The following UBAP2 variants were observed in gnomAD, a reference collection of about 807,000 sequenced individuals.
The protein encoded by UBAP2 is ubiquitin-associated protein 2.
A neutral mutation model predicts 139.6 loss-of-function variants in UBAP2; 75 were observed. The observed-to-expected ratio is 0.54, with a 90% CI of 0.45 to 0.65. The LOEUF (loss-of-function observed/expected upper bound fraction) is 0.65. Among genes scored for constraint, UBAP2 ranks in the 30% least tolerant of loss-of-function variants. UBAP2 has a pLI of 0.00. For missense variants in UBAP2, 1,368 were observed against 1,369.6 expected (o/e 1.00, Z 0.02); for synonymous variants, 526 against 526.2 (o/e 1.00, Z 0.01).
At chr9:33,929,911 G>A (rs62555934) in intron 19 of UBAP2, among the ~76,000 whole-genome samples, 191 of 152,288 alleles carry the variant, frequency 1.3e-3, no homozygotes, top group Non-Finnish European at 2.1e-3. Context: ...GGCTGAGGCA[G>A]GAGAACTGCT....
Position 33,922,182 on chromosome 9 carries a change from G to A in UBAP2, c.*322C>T. The A allele has an allele frequency of 2.9e-6, 1 of 350,728 alleles. No homozygotes were observed. The highest frequency in any genetic ancestry group is 5.4e-6 in the Non-Finnish European group (1 of 186,098). The allele number at this position is 350,728 out of a possible 1,614,324, so 21.7% of individuals were successfully genotyped here. ...TGCCCCTAGTGGCCCACTGGGCAGT[G>A]CAGGCTGTGAAGAAGACCTGAAGGC... On this transcript the variant is annotated 3_prime_UTR_variant, in exon 29 of 29. Transcript: ENST00000379238.
In UBAP2 at chr9:33,933,600, G is replaced by A; in HGVS notation, c.1998C>T (p.Ala666=). ...TGGGCAGGGAGCTCACAGACGGGAG[G>A]GCAGAGGGAGGGCCTGTTGTCTTTG... ...DTPKTTGPPS[A]LPSVSSLPST... is the part of the protein sequence containing the mutation. The change falls in exon 18 of 29, where the codon GCC becomes GCT. Residue 666 remains alanine (A), a synonymous_variant. Transcript: ENST00000379238. The A allele has an allele frequency of 6.2e-7, 1 of 1,613,940 alleles. No homozygotes were observed. The highest frequency in any genetic ancestry group is 8.5e-7 in the Non-Finnish European group (1 of 1,180,004).
intron 1 of UBAP2, among the ~76,000 whole-genome samples, chr9:34,026,815 C>T (rs893652203): frequency 3.9e-5 from 6 of 152,168 alleles, no homozygotes; most frequent in African/African-American, 1.2e-4. Flanking sequence ...AAACCCAGGA[C>T]ATTTGGCTCT....
Position 34,042,010 on chromosome 9 carries a change from C to CT in UBAP2, c.-42+6814dup, listed in dbSNP as rs546240575. On this transcript the variant is annotated intron_variant, in intron 1 of 28. Coordinates refer to ENST00000379238, the MANE Select transcript of UBAP2 (RefSeq NM_001370062.2). ...ACTGCACTCCAGCCTGAGCAACAGACTGAGACCCTATCTCAAAAAAAAGAA... is the reference window on the plus strand; with the variant it reads ...ACTGCACTCCAGCCTGAGCAACAGACTTGAGACCCTATCTCAAAAAAAAGAA... Among the ~76,000 whole-genome samples, 101 of 152,010 alleles carry CT rather than the reference C, an allele frequency of 6.6e-4. 1 individual carries two copies. The South Asian group carries it at 0.021, about 31-fold the overall frequency.
At chr9:34,012,500 C>T (rs1823839593) in intron 2 of UBAP2, among the ~76,000 whole-genome samples, 1 of 143,064 alleles carries the variant, frequency 7.0e-6, no homozygotes, top group African/African-American at 2.6e-5. Context: ...CACTGCACTA[C>T]AGCCTGGGCA....
rs1554692767 is a variant in UBAP2 at position 34,035,514 on chromosome 9, A to AT, written c.-42+13310_-42+13311insA. On this transcript the variant is annotated intron_variant, in intron 1 of 28. Transcript: ENST00000379238. ...GAGACTCCATCTAAAAAAAAAAAAA[A>AT]ATATATATATATAAAGATTAGCCAG... 1.5e-3 allele frequency among the ~76,000 whole-genome samples: 34 copies of AT among 22,494 alleles called. 6 individuals are homozygous for AT. Among genetic ancestry groups the AT allele is most frequent in the East Asian group, 9.0e-3 (5 of 558 alleles). The allele number at this position is 22,494 out of a possible 152,430, so 14.8% of individuals were successfully genotyped here. A position where few individuals can be genotyped will look rare whatever the true frequency, so the allele number is the denominator to read the frequency against.
At chr9:33,998,411 T>A (rs897175779) in intron 3 of UBAP2, 8 of 165,290 alleles carry the variant, frequency 4.8e-5, no homozygotes, top group East Asian at 1.8e-4. Context: ...GAAAAAAAAA[T>A]TTTTTAAAGG....
At chr9:34,040,025 G>A (rs1469602576) in intron 1 of UBAP2, among the ~76,000 whole-genome samples, 3 of 151,956 alleles carry the variant, frequency 2.0e-5, no homozygotes, top group Non-Finnish European at 2.9e-5. Context: ...GGGGCATGGT[G>A]GCACATGCCT....
chr9:34,017,783 C>T (rs1004531345), intron 1 of UBAP2, among the ~76,000 whole-genome samples: 2 of 151,944 alleles, frequency 1.3e-5, no homozygotes, highest in African/African-American at 4.8e-5. Flanking sequence ...AAAAGTTAGC[C>T]GGGCATGGTG....
At chr9:33,924,160 CG>C in intron 23 of UBAP2, 45 bp downstream of exon 23, 1 of 1,608,322 alleles carries the variant, frequency 6.2e-7, no homozygotes, top group Non-Finnish European at 8.5e-7. Context: ...CTGGAGTTCG[CG>C]CTAGGCCGGC....
intron 10 of UBAP2, among the ~76,000 whole-genome samples, chr9:33,958,462 G>A (rs538773539): frequency 6.6e-6 from 1 of 151,738 alleles, no homozygotes; most frequent in South Asian, 2.1e-4. Context: ...CCAGGCTGGA[G>A]TGCAATGGTG....
Position 33,922,158 on chromosome 9 carries a change from G to A in UBAP2, c.*346C>T, listed in dbSNP as rs1426980425. 1.9e-5 allele frequency: 5 copies of A among 265,816 alleles called. No individual in the cohort carries two copies. The highest frequency in any genetic ancestry group is 1.0e-4 in the Admixed American group (2 of 19,378). 16.5% of individuals were successfully genotyped at this position (265,816 alleles called of 1,614,324 possible). The stretch of plus-strand genomic sequence containing the variant: ...CCTTGAACCAGCCCTTCCAGAGACT[G>A]CCCCTAGTGGCCCACTGGGCAGTGC... On this transcript the variant is annotated 3_prime_UTR_variant, in exon 29 of 29. Transcript: ENST00000379238.
chr9:33,938,973 G>A (rs1238278813), intron 16 of UBAP2: 1 of 442,782 alleles, frequency 2.3e-6, no homozygotes, highest in Non-Finnish European at 4.5e-6. Flanking sequence ...AAAAGGAAGG[G>A]AGGATGATCC....
chr9:34,032,831 C>T (rs540906979), intron 1 of UBAP2, among the ~76,000 whole-genome samples: 107 of 149,958 alleles, frequency 7.1e-4, no homozygotes, highest in African/African-American at 2.5e-3. Flanking sequence ...GGCTGGGGCA[C>T]GAGAATCACT....
chr9:34,042,271 G>A (rs12686567), intron 1 of UBAP2, among the ~76,000 whole-genome samples: 21,142 of 151,342 alleles, frequency 0.14, 1,651 homozygotes, highest in South Asian at 0.33. Context: ...GAGGTCAGGA[G>A]TTTGAGACCA....
chr9:34,039,925 G>A (rs1407710337), intron 1 of UBAP2, among the ~76,000 whole-genome samples: 3 of 150,042 alleles, frequency 2.0e-5, no homozygotes, highest in South Asian at 2.1e-4. Flanking sequence ...TTGGGAGGCC[G>A]AGGCGGGCGA....
intron 1 of UBAP2, among the ~76,000 whole-genome samples, chr9:34,043,115 G>A (rs376253966): frequency 3.9e-5 from 6 of 152,024 alleles, no homozygotes; most frequent in South Asian, 4.1e-4. Flanking sequence ...CACCTTCTAC[G>A]TTATACAATG....
intron 1 of UBAP2, among the ~76,000 whole-genome samples, chr9:34,034,887 C>CA (rs56178729): frequency 6.0e-5 from 9 of 151,238 alleles, no homozygotes; most frequent in Non-Finnish European, 7.4e-5. Flanking sequence ...AACAAACAAA[C>CA]AAAAAAAAAA....
intron 1 of UBAP2, 129 bp from the exon 2 acceptor site, chr9:34,017,318 T>C (rs112087274): frequency 4.3e-6 from 2 of 467,000 alleles, no homozygotes. Flanking sequence ...GAAGTAGCCC[T>C]TGAGGATTTT....
Sources: allele counts gnomAD v4.1 joint callset (sites outside exome capture counted in the v4.1 genomes callset), GRCh38; gene constraint gnomAD v4.1.1; transcripts MANE v1.5; gene names NCBI Gene and HGNC (gene_info 2026-07-23, HGNC 2026-07-21).